Variants in MSL2 observed in about 807,000 individuals in gnomAD.
MSL2 encodes the protein E3 ubiquitin-protein ligase MSL2.
MSL2 carries 2 observed loss-of-function variants against 35.8 expected under a neutral mutation model. The observed-to-expected ratio is 0.06, with a 90% confidence interval of 0.02 to 0.18. The LOEUF is 0.18. Ranked by LOEUF, MSL2 falls within the 10% of genes least tolerant of loss-of-function variation. The pLI, the probability that MSL2 is intolerant of heterozygous loss-of-function variation, is 1.00. For missense variants in MSL2, 523 were observed against 706.7 expected (o/e 0.74, Z 2.95); for synonymous variants, 296 against 255.7 (o/e 1.16, Z -1.50).
chr3:136,189,344 A>C (rs1940617537), intron 1 of MSL2, among the ~76,000 whole-genome samples: 1 of 145,590 alleles, frequency 6.9e-6, no homozygotes, highest in Admixed American at 7.1e-5. Flanking sequence ...TAGATCTGCT[A>C]TCTATAGCTG....
intron 1 of MSL2, among the ~76,000 whole-genome samples, 186 bp downstream of exon 1, chr3:136,194,786 T>A (rs567483702): frequency 2.6e-5 from 4 of 151,732 alleles, no homozygotes; most frequent in African/African-American, 9.7e-5. Context: ...TATGAAAGGG[T>A]TCTCTGCCTT....
At chr3:136,164,646 A>G (rs998661258) in intron 1 of MSL2, among the ~76,000 whole-genome samples, 1 of 152,164 alleles carries the variant, frequency 6.6e-6, no homozygotes, top group Non-Finnish European at 1.5e-5. Context: ...CCCACCTCCA[A>G]CTTAAGAAAT....
chr3:136,190,407 C>A (rs1940653837), intron 1 of MSL2, among the ~76,000 whole-genome samples: 1 of 152,058 alleles, frequency 6.6e-6, no homozygotes, highest in Non-Finnish European at 1.5e-5. Context: ...TTTAAATTAG[C>A]CAACCACGTG....
At chr3:136,177,836 G>C (rs1214373011) in intron 1 of MSL2, among the ~76,000 whole-genome samples, 2 of 152,068 alleles carry the variant, frequency 1.3e-5, no homozygotes, top group African/African-American at 4.8e-5. Context: ...CAATTTTACA[G>C]GGAAGTGGAG....
intron 1 of MSL2, among the ~76,000 whole-genome samples, chr3:136,160,490 C>T (rs1489440278): frequency 2.7e-5 from 4 of 149,680 alleles, no homozygotes; most frequent in South Asian, 2.1e-4. Context: ...AAGGCCGAGG[C>T]GGGCAGTTCA....
At chr3:136,190,427 A>G (rs1940655207) in intron 1 of MSL2, among the ~76,000 whole-genome samples, 1 of 151,790 alleles carries the variant, frequency 6.6e-6, no homozygotes. Flanking sequence ...GTGGTGGCGC[A>G]CACCTGTAGT....
chr3:136,193,575 G>A (rs1042596162), intron 1 of MSL2, among the ~76,000 whole-genome samples: 9 of 150,712 alleles, frequency 6.0e-5, no homozygotes, highest in African/African-American at 2.2e-4. Context: ...CAAAATATGT[G>A]AGGACATTAA....
Position 136,160,344 on chromosome 3 carries a change from AG to A in MSL2, c.143-7607del, listed in dbSNP as rs1576358726. Reference sequence around the variant, plus strand: ...GAGGGAAGGAGGGAAGGAAGGAGGGAGGGAGGGAGGGAGGGAGGGAGGGAGG... The same window carrying A: ...GAGGGAAGGAGGGAAGGAAGGAGGGAGGAGGGAGGGAGGGAGGGAGGGAGG... On this transcript the variant is annotated intron_variant, in intron 1 of 1. Coordinates refer to ENST00000309993, the MANE Select transcript of MSL2 (RefSeq NM_018133.4). Among the ~76,000 whole-genome samples, 5 of 11,502 alleles carry A rather than the reference AG, an allele frequency of 4.3e-4. No homozygotes were observed. In the East Asian group the frequency reaches 0.14, roughly 320 times the overall value. 7.5% of individuals were successfully genotyped at this position (11,502 alleles called of 152,430 possible).
In MSL2 at chr3:136,148,991, A is replaced by G. The variant is rs1939251875; in HGVS notation, c.*2156T>C. 1 of 152,534 alleles carries G rather than the reference A, an allele frequency of 6.6e-6. No individual in the cohort carries two copies. 9.4% of individuals were successfully genotyped at this position (152,534 alleles called of 1,614,324 possible). A position where few individuals can be genotyped will look rare whatever the true frequency, so the allele number is the denominator to read the frequency against. On this transcript the variant is annotated 3_prime_UTR_variant, in exon 2 of 2. Transcript: ENST00000309993. ...TTTCCAAAAATGTGGCAGTGAGAAT[A>G]CCAGCATAAAAAAGAGAAACTTGTG... is the stretch of plus-strand genomic sequence containing the variant.
At chr3:136,183,947 A>T (rs1482174531) in intron 1 of MSL2, among the ~76,000 whole-genome samples, 2 of 152,172 alleles carry the variant, frequency 1.3e-5, no homozygotes, top group Non-Finnish European at 2.9e-5. Context: ...AGCAATCCTG[A>T]CTCTTATCCA....
intron 1 of MSL2, chr3:136,155,808 G>A (rs967171674): frequency 5.2e-5 from 30 of 573,108 alleles, no homozygotes; most frequent in African/African-American, 2.8e-4. Flanking sequence ...CGTGACACCC[G>A]GCTGCCCAAG....
intron 1 of MSL2, among the ~76,000 whole-genome samples, chr3:136,168,449 A>C (rs1038432324): frequency 1.3e-5 from 2 of 152,238 alleles, no homozygotes; most frequent in African/African-American, 4.8e-5. Flanking sequence ...CGATGAGTTC[A>C]TATCCTTTGC....
chr3:136,178,303 A>T (rs1940239814), intron 1 of MSL2, among the ~76,000 whole-genome samples: 1 of 152,196 alleles, frequency 6.6e-6, no homozygotes, highest in Non-Finnish European at 1.5e-5. Context: ...CCTATAAGAT[A>T]ATGTAGGCTG....
intron 1 of MSL2, among the ~76,000 whole-genome samples, chr3:136,177,501 C>A (rs1940209299): frequency 6.6e-6 from 1 of 151,638 alleles, no homozygotes; most frequent in African/African-American, 2.4e-5. Context: ...GGTGAAAACC[C>A]ATCTCAACTA....
At position 136,167,352 on chromosome 3, in the gene MSL2, AT is replaced by A. The variant is rs201965696; in HGVS notation, c.143-14615del. Among the ~76,000 whole-genome samples the A allele has an allele frequency of 3.9e-3, 589 of 151,574 alleles. 7 individuals carry two copies. In the East Asian group the frequency reaches 0.048, roughly 12 times the overall value. ...TTAGTTGTTCTATAGAAAAAAAAAA[AT>A]ATCAAGGAATTAAACTACCTCAATG... On this transcript the variant is annotated intron_variant, in intron 1 of 1. Transcript: ENST00000309993.
Position 136,195,259 on chromosome 3 carries a change from G to T in MSL2, c.-146C>A. 6.8e-7 allele frequency: 1 copy of T among 1,476,100 alleles called. No individual in the cohort carries two copies. Among genetic ancestry groups the T allele is most frequent in the African/African-American group, 1.4e-5 (1 of 70,548 alleles). The allele number at this position is 1,476,100 out of a possible 1,614,324, so 91.4% of individuals were successfully genotyped here. On this transcript the variant is annotated 5_prime_UTR_variant, in exon 1 of 2. It introduces an in-frame stop codon into an upstream open reading frame of the 5' UTR. Coordinates refer to ENST00000309993, the MANE Select transcript of MSL2 (RefSeq NM_018133.4). ...GGCCAAACAAGTAACCAAAATCCGT[G>T]CAAGTTTGTGGAGCTGAAACAATCC...
At chr3:136,188,005 A>G (rs2108094143) in intron 1 of MSL2, among the ~76,000 whole-genome samples, 1 of 152,182 alleles carries the variant, frequency 6.6e-6, no homozygotes, top group East Asian at 1.9e-4. Context: ...GCCTGGGATC[A>G]AAACTCTCCA....
chr3:136,163,862 A>T (rs762263884), intron 1 of MSL2, among the ~76,000 whole-genome samples: 9 of 152,170 alleles, frequency 5.9e-5, no homozygotes, highest in Non-Finnish European at 4.4e-5. Context: ...CCACCATGTG[A>T]AGAAGGTGCC....
intron 1 of MSL2, among the ~76,000 whole-genome samples, chr3:136,168,216 C>T (rs1559963348): frequency 6.8e-6 from 1 of 146,862 alleles, no homozygotes; most frequent in Non-Finnish European, 1.5e-5. Flanking sequence ...CCAACTCTAC[C>T]AAAAAAAAAG....
Sources: allele counts gnomAD v4.1 joint callset (sites outside exome capture counted in the v4.1 genomes callset), GRCh38; gene constraint gnomAD v4.1.1; transcripts MANE v1.5; gene names NCBI Gene and HGNC (gene_info 2026-07-23, HGNC 2026-07-21).